The following BST1 variants were observed in gnomAD, a reference collection of about 807,000 sequenced individuals.
BST1 encodes ADP-ribosyl cyclase/cyclic ADP-ribose hydrolase 2.
A neutral mutation model predicts 40.6 loss-of-function variants in BST1; 49 were observed. The ratio of observed to expected loss-of-function variants is 1.21; its 90% CI spans 0.96 to 1.53. The LOEUF is 1.53. Ranked by LOEUF, BST1 falls within the 40% of genes most tolerant of loss-of-function variation. The pLI is 0.00. For missense variants in BST1, 423 were observed against 395.9 expected (o/e 1.07, Z -0.58); for synonymous variants, 157 against 159.3 (o/e 0.99, Z 0.11).
At position 15,711,835 on chromosome 4, in the gene BST1, A is replaced by G; in HGVS notation, c.480A>G (p.Ser160=). 3 of 1,614,120 alleles carry G rather than the reference A, an allele frequency of 1.9e-6. No homozygotes were observed. The highest frequency in any genetic ancestry group is 2.5e-6 in the Non-Finnish European group (3 of 1,179,954). The part of the protein sequence containing the change: ...SGLDYQSCPT[S]EDCENNPVDS... ...TCGATTACCAATCCTGCCCTACATC[A>G]GAAGACTGTGAAAATAATCCTGTGG... Residue 160 remains serine (S), a synonymous_variant, in exon 4 of 9, where the codon TCA becomes TCG. Transcript: ENST00000265016.
At chr4:15,752,079 C>G in the BST1 span, among the ~76,000 whole-genome samples, 1 of 152,114 alleles carries the variant, frequency 6.6e-6, no homozygotes, top group East Asian at 1.9e-4. Context: ...CAGATTTGTG[C>G]TTTGATCATT....
In BST1 at chr4:15,726,756, AC is replaced by A. The variant is rs576322772; in HGVS notation, c.851+3824del. 2.3e-4 allele frequency among the ~76,000 whole-genome samples: 35 copies of A among 152,128 alleles called. No individual in the cohort carries two copies. The East Asian group carries it at 5.6e-3, about 24-fold the overall frequency. On this transcript the variant is annotated intron_variant, in intron 8 of 8. Transcript: ENST00000265016. ...TGTAAAACCCACTGCACCCTACACC[AC>A]CATTCCTGAAATGGGCAAATGGTGC...
At chr4:15,760,447 T>C in the BST1 span, among the ~76,000 whole-genome samples, 1 of 151,770 alleles carries the variant, frequency 6.6e-6, no homozygotes. Context: ...TATCCAGGAG[T>C]GGAATTTCCA....
the BST1 span, among the ~76,000 whole-genome samples, chr4:15,754,821 C>T: frequency 6.6e-6 from 1 of 152,218 alleles, no homozygotes; most frequent in Admixed American, 6.5e-5. Flanking sequence ...GTCCCCTGTT[C>T]TGGTCCCACA....
downstream of BST1, among the ~76,000 whole-genome samples, chr4:15,739,799 A>G (rs931987281): frequency 6.6e-6 from 1 of 152,174 alleles, no homozygotes; most frequent in Non-Finnish European, 1.5e-5. Context: ...GTACAGAAAT[A>G]TAATCAGAGT....
At chr4:15,722,710 G>A (rs75219005) in intron 7 of BST1, among the ~76,000 whole-genome samples, 165 bp from the exon 8 acceptor site, 10,127 of 151,124 alleles carry the variant, frequency 0.067, 558 homozygotes, top group East Asian at 0.26. Flanking sequence ...TGGGATTACA[G>A]GTGTAAGCCA....
chr4:15,730,078 C>A (rs926027938), intron 8 of BST1, among the ~76,000 whole-genome samples: 8 of 152,174 alleles, frequency 5.3e-5, no homozygotes, highest in African/African-American at 1.9e-4. Context: ...ACATTAACTG[C>A]ATCACAGGTG....
chr4:15,771,040 C>G, the BST1 span, among the ~76,000 whole-genome samples: 87 of 152,182 alleles, frequency 5.7e-4, no homozygotes, highest in Non-Finnish European at 1.0e-3. Context: ...TCTGTGCCCT[C>G]AATACTTAAC....
At chr4:15,716,728 A>G (rs145379687) in intron 6 of BST1, among the ~76,000 whole-genome samples, 1 of 152,306 alleles carries the variant, frequency 6.6e-6, no homozygotes, top group Non-Finnish European at 1.5e-5. Flanking sequence ...CATGCATGAA[A>G]AACGTGTATC....
chr4:15,705,429 T>C, intron 1 of BST1, 86 bp from the exon 2 acceptor site: 1 of 1,442,030 alleles, frequency 6.9e-7, no homozygotes, highest in Non-Finnish European at 9.3e-7. Flanking sequence ...AAAAATCTCT[T>C]GTAAAGCTCT....
In BST1 at chr4:15,705,584, G is replaced by A. The variant is rs17850856; in HGVS notation, c.258G>A (p.Leu86=). 6.2e-7 allele frequency: 1 copy of A among 1,613,682 alleles called. No homozygotes were observed. Among genetic ancestry groups the A allele is most frequent in the African/African-American group, 1.3e-5 (1 of 74,884 alleles). The part of the protein sequence containing the change: ...VALDKDPCSV[L]PSDYDLFINL... ...TGGACAAGGATCCCTGCTCCGTGCT[G>A]CCCTCAGACTATGACCTTTTTATTA... is the stretch of plus-strand genomic sequence containing the variant. Residue 86 remains leucine, a synonymous_variant, in exon 2 of 9, where the codon CTG becomes CTA. Coordinates refer to ENST00000265016, the MANE Select transcript of BST1 (RefSeq NM_004334.3).
At chr4:15,711,948 A>G in intron 4 of BST1, 59 bp downstream of exon 4, 1 of 1,466,614 alleles carries the variant, frequency 6.8e-7, no homozygotes, top group Non-Finnish European at 9.5e-7. Context: ...GAGATGGAAC[A>G]TAGTCATTCA....
At chr4:15,731,381 G>T in intron 8 of BST1, 3 of 534,612 alleles carry the variant, frequency 5.6e-6, no homozygotes, top group Non-Finnish European at 6.8e-6. Flanking sequence ...CCATGTGGTG[G>T]AAATCCACAG....
chr4:15,744,303 C>G, the BST1 span, among the ~76,000 whole-genome samples: 2 of 151,968 alleles, frequency 1.3e-5, no homozygotes, highest in African/African-American at 4.8e-5. Context: ...ACTCAGGGTC[C>G]CACGTGGTTG....
chr4:15,768,660 AT>A, the BST1 span, among the ~76,000 whole-genome samples: 13 of 150,348 alleles, frequency 8.6e-5, no homozygotes, highest in African/African-American at 1.5e-4. Context: ...CGCCCGGCTA[AT>A]TTTTTTTTGT....
At chr4:15,756,974 A>G in the BST1 span, among the ~76,000 whole-genome samples, 1 of 152,258 alleles carries the variant, frequency 6.6e-6, no homozygotes, top group Admixed American at 6.5e-5. Flanking sequence ...ATGTATGCCT[A>G]TTGTAAATTG....
the BST1 span, among the ~76,000 whole-genome samples, chr4:15,766,376 C>T: frequency 2.6e-5 from 4 of 151,894 alleles, no homozygotes; most frequent in Admixed American, 2.0e-4. Flanking sequence ...TGTTAAGCTG[C>T]GGTCAGACCT....
At chr4:15,735,700 C>T (rs2148899154), downstream of BST1, among the ~76,000 whole-genome samples, 1 of 152,262 alleles carries the variant, frequency 6.6e-6, no homozygotes, top group East Asian at 1.9e-4. Context: ...TTAGGCCAAT[C>T]CCATGGGAGC....
Position 15,711,894 on chromosome 4 carries a change from T to C in BST1, c.534+5T>C, listed in dbSNP as rs770282155. On this transcript the variant is annotated splice_donor_5th_base_variant and intron_variant, in intron 4 of 8. Coordinates refer to ENST00000265016, the MANE Select transcript of BST1 (RefSeq NM_004334.3). ...TGGAAAAGGGCATCCATCCAGGTAA[T>C]GCTGGGATGATATCTGAGTGGTTGA... 6.2e-6 allele frequency: 10 copies of C among 1,610,926 alleles called. No individual in the cohort carries two copies. In the African/African-American group the frequency reaches 1.1e-4, roughly 17 times the overall value.
Sources: gnomAD v4.1 joint callset for allele counts (sites outside exome capture counted in the v4.1 genomes callset) on GRCh38, gnomAD v4.1.1 for gene constraint, MANE v1.5 for transcripts, NCBI Gene and HGNC (gene_info 2026-07-23, HGNC 2026-07-21) for gene names.